FBXO16: variants seen among roughly 807,000 people sequenced by gnomAD.
The protein encoded by FBXO16 is F-box protein 16, also known as F-box only protein 16.
Under a neutral mutation model 41.0 loss-of-function variants are expected in FBXO16, and 31 were observed. That is an observed-to-expected ratio of 0.76 (90% CI 0.57 to 1.02). FBXO16 has a LOEUF of 1.02. Among genes scored for constraint, FBXO16 ranks in the 50% least tolerant of loss-of-function variants. The pLI is 0.00. For missense variants in FBXO16, 361 were observed against 346.2 expected, an observed-to-expected ratio of 1.04 and a Z score of -0.34; for synonymous variants, 133 against 117.8, an observed-to-expected ratio of 1.13 and a Z score of -0.84.
chr8:28,430,326 G>T (rs970097712), intron 7 of FBXO16, among the ~76,000 whole-genome samples: 1 of 152,124 alleles, frequency 6.6e-6, no homozygotes, highest in Non-Finnish European at 1.5e-5. Context: ...CAATCCTCCC[G>T]CTTTGGCCTT....
At position 28,447,169 on chromosome 8, in the gene FBXO16, AC is replaced by A; in HGVS notation, c.843+1del. On this transcript the variant is annotated splice_donor_variant, in intron 7 of 8. Coordinates refer to ENST00000380254, the MANE Select transcript of FBXO16 (RefSeq NM_172366.4). LOFTEE classifies it high-confidence loss of function. ...GATGAATCTTTCATAAACAATACTT[AC>A]CATTGATTGTGCTTTTCTTAGCCTA... 1 of 1,608,298 alleles carries A rather than the reference AC, an allele frequency of 6.2e-7. No homozygotes were observed. The highest frequency in any genetic ancestry group is 8.5e-7 in the Non-Finnish European group (1 of 1,175,844).
At chr8:28,436,357 C>T (rs1383613434) in intron 7 of FBXO16, among the ~76,000 whole-genome samples, 2 of 152,214 alleles carry the variant, frequency 1.3e-5, no homozygotes, top group Non-Finnish European at 2.9e-5. Context: ...AAAACATTCC[C>T]TTTTACTCCC....
At chr8:28,490,047 A>C (rs1254327323) in intron 1 of FBXO16, 139 bp downstream of exon 1, 1 of 152,198 alleles carries the variant, frequency 6.6e-6, no homozygotes, top group African/African-American at 2.4e-5. Flanking sequence ...CACAAGTATG[A>C]ATATCTGGCG....
At chr8:28,463,422 A>ATG (rs1207580551) in intron 4 of FBXO16, among the ~76,000 whole-genome samples, 190 bp downstream of exon 4, 3 of 150,178 alleles carry the variant, frequency 2.0e-5, no homozygotes, top group African/African-American at 7.4e-5. Context: ...GTGTATATGT[A>ATG]TGTGTGTATA....
At chr8:28,459,769 G>A (rs188254037) in intron 4 of FBXO16, among the ~76,000 whole-genome samples, 337 of 152,036 alleles carry the variant, frequency 2.2e-3, no homozygotes, top group African/African-American at 7.6e-3. Flanking sequence ...GCTCATGCCT[G>A]TAATCCCAGC....
chr8:28,456,794 A>C lies in FBXO16; in HGVS notation c.479T>G (p.Val160Gly), dbSNP rs755262425. 6.2e-7 allele frequency: 1 copy of C among 1,614,096 alleles called. No individual in the cohort carries two copies. Among genetic ancestry groups the C allele is most frequent in the South Asian group, 1.1e-5 (1 of 91,056 alleles). The change falls in exon 5 of 9, where the codon GTG becomes GGG. Residue 160 changes from valine to glycine, a missense_variant. Val to Gly is a moderately radical substitution (Grantham distance 109, BLOSUM62 -3). Coordinates refer to ENST00000380254, the MANE Select transcript of FBXO16 (RefSeq NM_172366.4). Reference protein sequence around the residue: ...GIWKKHYIQMVKELHITKPKT... With the variant: ...GIWKKHYIQMGKELHITKPKT... Reference sequence around the variant, plus strand: ...AGGCTTGGTAATATGAAGTTCTTTCACCATTTGAATATAGTGCTTCTTCCA... The same window carrying C: ...AGGCTTGGTAATATGAAGTTCTTTCCCCATTTGAATATAGTGCTTCTTCCA...
chr8:28,473,984 T>TC (rs1803378286), intron 2 of FBXO16, among the ~76,000 whole-genome samples, 177 bp from the exon 3 acceptor site: 2 of 151,252 alleles, frequency 1.3e-5, no homozygotes, highest in Admixed American at 6.6e-5. Flanking sequence ...TTTCTCTCTC[T>TC]TTTTTTTTCT....
At chr8:28,473,687 AC>A in intron 3 of FBXO16, 84 bp downstream of exon 3, 2 of 1,126,480 alleles carry the variant, frequency 1.8e-6, no homozygotes, top group East Asian at 2.4e-5. Context: ...TTTATAAGCC[AC>A]CCAGTCTGAT....
At chr8:28,461,838 T>A (rs576439513) in intron 4 of FBXO16, among the ~76,000 whole-genome samples, 1 of 152,330 alleles carries the variant, frequency 6.6e-6, no homozygotes. Context: ...TTTCCTGTTT[T>A]CTTTGAGGAC....
chr8:28,486,091 G>A (rs1803597074), intron 1 of FBXO16, among the ~76,000 whole-genome samples: 1 of 124,378 alleles, frequency 8.0e-6, no homozygotes, highest in Non-Finnish European at 1.7e-5. Flanking sequence ...GGGTGACAGA[G>A]TAAGACTCTG....
At chr8:28,451,439 G>A (rs1054066038) in intron 6 of FBXO16, among the ~76,000 whole-genome samples, 2 of 149,520 alleles carry the variant, frequency 1.3e-5, no homozygotes, top group African/African-American at 2.5e-5. Flanking sequence ...TGCACAGGCT[G>A]GTCTCAAACT....
At chr8:28,429,497 C>T (rs2130066863) in intron 7 of FBXO16, 94 bp from the exon 8 acceptor site, 1 of 1,439,770 alleles carries the variant, frequency 6.9e-7, no homozygotes. Context: ...AGGCACTCTT[C>T]AAAGTTCGCC....
rs747749487 is a variant in FBXO16, at chr8:28,463,617, C to T, written c.337G>A (p.Ala113Thr). Residue 113 changes from alanine (A) to threonine (T), a missense_variant, in exon 4 of 9, where the codon GCA becomes ACA. Transcript: ENST00000380254. ...TACCCCTTCCTTGCCTTTACCTGTGCACAACGACAAAGGCTCCGAGGGTCC... is the reference window on the plus strand; with the variant it reads ...TACCCCTTCCTTGCCTTTACCTGTGTACAACGACAAAGGCTCCGAGGGTCC... Reference protein sequence around the residue: ...FLDPRSLCRCAQVCWHWKNLA... With the variant: ...FLDPRSLCRCTQVCWHWKNLA... 1.2e-6 allele frequency: 2 copies of T among 1,613,838 alleles called. No homozygotes were observed. The highest frequency in any genetic ancestry group is 1.7e-6 in the Non-Finnish European group (2 of 1,179,968).
In FBXO16 at chr8:28,457,717, G is replaced by C. The variant is rs35696700; in HGVS notation, c.343-787C>G. Among the ~76,000 whole-genome samples, 372 of 152,270 alleles carry C rather than the reference G, an allele frequency of 2.4e-3. 1 individual carries two copies. Among genetic ancestry groups the C allele is most frequent in the Non-Finnish European group, 4.8e-3 (325 of 68,028 alleles). ...GAGCATCAATTCAAGAAGAGACATA[G>C]GTGGGGACATAGCCCAACCATATCA... On this transcript the variant is annotated intron_variant, in intron 4 of 8. Coordinates refer to ENST00000380254, the MANE Select transcript of FBXO16 (RefSeq NM_172366.4).
rs1368566400 is a variant in FBXO16 at position 28,463,595 on chromosome 8, C to A, written c.342+17G>T. ...GCTGTCCTCACAAAACACCACATACCCCTTCCTTGCCTTTACCTGTGCACA... is the reference window on the plus strand; with the variant it reads ...GCTGTCCTCACAAAACACCACATACACCTTCCTTGCCTTTACCTGTGCACA... On this transcript the variant is annotated intron_variant, in intron 4 of 8. Coordinates refer to ENST00000380254, the MANE Select transcript of FBXO16 (RefSeq NM_172366.4). 2 of 1,612,554 alleles carry A rather than the reference C, an allele frequency of 1.2e-6. No individual in the cohort carries two copies. The highest frequency in any genetic ancestry group is 1.7e-6 in the Non-Finnish European group (2 of 1,179,736).
At chr8:28,436,844 C>T (rs992833521) in intron 7 of FBXO16, among the ~76,000 whole-genome samples, 2 of 152,194 alleles carry the variant, frequency 1.3e-5, no homozygotes, top group African/African-American at 4.8e-5. Context: ...CTCGACCTCT[C>T]AGGCTCAAGC....
chr8:28,489,643 T>G (rs1045713035), intron 1 of FBXO16, among the ~76,000 whole-genome samples: 4 of 149,686 alleles, frequency 2.7e-5, no homozygotes, highest in Non-Finnish European at 4.4e-5. Context: ...AAGGCTGCAG[T>G]GAGCGATGAT....
rs756667453 is a variant in FBXO16, at chr8:28,452,385, C to T, written c.599G>A (p.Arg200Gln). 48 of 1,613,952 alleles carry T rather than the reference C, an allele frequency of 3.0e-5. No homozygotes were observed. The Admixed American group carries it at 4.0e-4, about 13-fold the overall frequency. The stretch of plus-strand genomic sequence containing the variant: ...CTTCTTTCTTAAAGAGGAAGAGGAC[C>T]GAAAAGCTGATAAAGGGGACTGTTT... ...EEKQSPLSAFRSSSSLRKKNN... is the reference protein window; with the variant it reads ...EEKQSPLSAFQSSSSLRKKNN... Residue 200 changes from arginine to glutamine, a missense_variant, in exon 6 of 9, where the codon CGG becomes CAG. By Grantham distance (43) the Arg-to-Gln change is conservative (BLOSUM62 1). Transcript: ENST00000380254.
chr8:28,453,055 C>A (rs1282495192), intron 5 of FBXO16, among the ~76,000 whole-genome samples: 1 of 152,140 alleles, frequency 6.6e-6, no homozygotes, highest in East Asian at 1.9e-4. Context: ...GAGTACTTGC[C>A]ATGTTGCAGT....
Sources: allele counts gnomAD v4.1 joint callset (sites outside exome capture counted in the v4.1 genomes callset), GRCh38; gene constraint gnomAD v4.1.1; transcripts MANE v1.5; gene names NCBI Gene and HGNC (gene_info 2026-07-23, HGNC 2026-07-21).